ELOVL5: variants seen among roughly 807,000 people sequenced by gnomAD.
ELOVL5 encodes the protein ELOVL fatty acid elongase 5, also known as very long chain fatty acid elongase 5.
In ELOVL5, 8 loss-of-function variants were observed where a neutral mutation model predicts 38.6. That is an observed-to-expected ratio of 0.21 (90% confidence interval 0.12 to 0.37). ELOVL5 has a LOEUF of 0.37. Among genes scored for constraint, ELOVL5 ranks in the 10% least tolerant of loss-of-function variants. The pLI, the probability that ELOVL5 is intolerant of heterozygous loss-of-function variation, is 1.00. For synonymous variants in ELOVL5, 127 were observed against 133.7 expected (o/e 0.95, Z 0.34); for missense variants, 280 against 367.8 (o/e 0.76, Z 1.95).
chr6:53,295,834 G>A (rs1766975187), intron 1 of ELOVL5, 127 bp from the exon 2 acceptor site: 1 of 562,344 alleles, frequency 1.8e-6, no homozygotes, highest in Non-Finnish European at 2.9e-6. Context: ...AGTTCCTTAG[G>A]TTAAAAGAAT....
intron 1 of ELOVL5, among the ~76,000 whole-genome samples, chr6:53,323,576 CTTTT>C (rs3063792): frequency 2.5e-5 from 2 of 81,546 alleles, no homozygotes; most frequent in Non-Finnish European, 4.4e-5. Context: ...TACTAGCCAG[CTTTT>C]TTTTTTTTTT....
chr6:53,305,694 G>A (rs1767503004), intron 1 of ELOVL5, among the ~76,000 whole-genome samples: 1 of 151,562 alleles, frequency 6.6e-6, no homozygotes, highest in South Asian at 2.1e-4. Flanking sequence ...ATGGCGGCCG[G>A]GCAGAGACGC....
intron 1 of ELOVL5, among the ~76,000 whole-genome samples, chr6:53,336,296 A>AATC (rs1769064418): frequency 6.6e-6 from 1 of 152,208 alleles, no homozygotes; most frequent in South Asian, 2.1e-4. Context: ...TGAGGCAGAT[A>AATC]AGCTCTGTCC....
intron 2 of ELOVL5, chr6:53,294,185 A>G: frequency 6.8e-7 from 1 of 1,460,894 alleles, no homozygotes; most frequent in Non-Finnish European, 9.1e-7. Context: ...CACACCGCAC[A>G]GTGCTTCCCG....
In ELOVL5 at chr6:53,319,995, T is replaced by A. The variant is rs144519048; in HGVS notation, c.-8-24288A>T. Among the ~76,000 whole-genome samples the A allele has an allele frequency of 9.3e-4, 141 of 152,300 alleles. 1 individual carries two copies. Among genetic ancestry groups the A allele is most frequent in the African/African-American group, 3.3e-3 (138 of 41,566 alleles). ...GGTTTATATATTTGCCCAAGTCACA[T>A]AGAGATGAAGCTAGATTGATTATAA... On this transcript the variant is annotated intron_variant, in intron 1 of 7. Coordinates refer to ENST00000304434, the MANE Select transcript of ELOVL5 (RefSeq NM_021814.5).
chr6:53,324,316 T>C (rs1768425475), intron 1 of ELOVL5, among the ~76,000 whole-genome samples: 2 of 149,620 alleles, frequency 1.3e-5, no homozygotes, highest in Non-Finnish European at 3.0e-5. Flanking sequence ...TCTCTATCTA[T>C]GGATATTGAT....
At chr6:53,279,050 T>C (rs1766256715) in intron 3 of ELOVL5, among the ~76,000 whole-genome samples, 2 of 152,258 alleles carry the variant, frequency 1.3e-5, no homozygotes, top group African/African-American at 4.8e-5. Context: ...GGAAAGAGCA[T>C]GGGTTTGGGC....
intron 6 of ELOVL5, among the ~76,000 whole-genome samples, chr6:53,271,855 T>G (rs369931511): frequency 6.6e-6 from 1 of 152,170 alleles, no homozygotes; most frequent in South Asian, 2.1e-4. Context: ...AGGTTTAATC[T>G]TCCACCTCAA....
chr6:53,274,969 G>C (rs952678492), intron 5 of ELOVL5, 121 bp downstream of exon 5: 6 of 962,860 alleles, frequency 6.2e-6, no homozygotes, highest in Non-Finnish European at 7.6e-6. Flanking sequence ...AAAGCAACTT[G>C]AACACAAAGC....
intron 1 of ELOVL5, among the ~76,000 whole-genome samples, chr6:53,332,080 C>T (rs1768829368): frequency 6.6e-6 from 1 of 152,204 alleles, no homozygotes; most frequent in African/African-American, 2.4e-5. Flanking sequence ...CCAAGTCACT[C>T]ATGAGGGATT....
chr6:53,302,361 A>C (rs1021652877), intron 1 of ELOVL5, among the ~76,000 whole-genome samples: 1 of 152,210 alleles, frequency 6.6e-6, no homozygotes, highest in Non-Finnish European at 1.5e-5. Flanking sequence ...TTTACAGCAA[A>C]TCAGTCCCCC....
intron 1 of ELOVL5, among the ~76,000 whole-genome samples, chr6:53,324,394 G>A (rs537786348): frequency 6.6e-6 from 1 of 152,064 alleles, no homozygotes; most frequent in South Asian, 2.1e-4. Flanking sequence ...AAGAATTGGG[G>A]ACCAGGCACA....
chr6:53,331,624 T>C (rs1366221102), intron 1 of ELOVL5, among the ~76,000 whole-genome samples: 1 of 152,186 alleles, frequency 6.6e-6, no homozygotes, highest in Non-Finnish European at 1.5e-5. Flanking sequence ...GACCAAAATA[T>C]GGTTATGCAG....
chr6:53,271,412 T>C lies in ELOVL5; in HGVS notation c.622-685A>G, dbSNP rs1050255031. ...TAAAAATACAAAAATTAGCTGGGTA[T>C]GGTGGCACACGCCGGTAGTCCCAGC... On this transcript the variant is annotated intron_variant, in intron 6 of 7. Transcript: ENST00000304434. Among the ~76,000 whole-genome samples, 8 of 152,130 alleles carry C rather than the reference T, an allele frequency of 5.3e-5. No individual in the cohort carries two copies. The South Asian group carries it at 1.7e-3, about 31-fold the overall frequency.
At chr6:53,285,264 C>T (rs1464293105) in intron 3 of ELOVL5, among the ~76,000 whole-genome samples, 1 of 152,198 alleles carries the variant, frequency 6.6e-6, no homozygotes, top group Non-Finnish European at 1.5e-5. Flanking sequence ...GCATTAGTAG[C>T]CTTATTGCTG....
intron 1 of ELOVL5, among the ~76,000 whole-genome samples, chr6:53,339,930 C>T (rs1769255830): frequency 6.6e-6 from 1 of 152,094 alleles, no homozygotes. Flanking sequence ...TGTTACTGCT[C>T]CTACAGACCT....
chr6:53,294,006 T>C (rs1766878816), intron 2 of ELOVL5: 3 of 928,268 alleles, frequency 3.2e-6, no homozygotes, highest in African/African-American at 1.7e-5. Context: ...AGAAAACCAG[T>C]TCCCACTTAG....
chr6:53,291,375 C>G (rs1407733103), intron 3 of ELOVL5, among the ~76,000 whole-genome samples: 1 of 152,168 alleles, frequency 6.6e-6, no homozygotes, highest in African/African-American at 2.4e-5. Context: ...CACCCACTTC[C>G]TTCCTCCCCT....
chr6:53,315,336 T>C (rs917843949), intron 1 of ELOVL5, among the ~76,000 whole-genome samples: 7 of 152,120 alleles, frequency 4.6e-5, no homozygotes, highest in Middle Eastern at 3.2e-3. Flanking sequence ...ACCCTTCTAA[T>C]AGCATCACTT....
Sources: gnomAD v4.1 joint callset for allele counts (sites outside exome capture counted in the v4.1 genomes callset) on GRCh38, gnomAD v4.1.1 for gene constraint, MANE v1.5 for transcripts, NCBI Gene and HGNC (gene_info 2026-07-23, HGNC 2026-07-21) for gene names.